Variants in DPYD observed in about 807,000 individuals in gnomAD.
DPYD encodes the protein dihydropyrimidine dehydrogenase.
DPYD carries 109 observed loss-of-function variants against 116.2 expected under a neutral mutation model. That is an observed-to-expected ratio of 0.94 (90% CI 0.80 to 1.10). DPYD has a LOEUF of 1.10. Among genes scored for constraint, DPYD ranks in the 50% least tolerant of loss-of-function variants. The pLI, the probability that DPYD is intolerant of heterozygous loss-of-function variation, is 0.00. For synonymous variants in DPYD, 440 were observed against 432.0 expected, an observed-to-expected ratio of 1.02 and a Z score of -0.23; for missense variants, 1,302 against 1,254.5, an observed-to-expected ratio of 1.04 and a Z score of -0.57.
chr1:97,777,215 T>A (rs1433855905), intron 3 of DPYD, among the ~76,000 whole-genome samples: 4 of 152,194 alleles, frequency 2.6e-5, no homozygotes, highest in African/African-American at 9.6e-5. Context: ...TTAAAACTTT[T>A]AAAAAATTAA....
intron 20 of DPYD, among the ~76,000 whole-genome samples, chr1:97,164,777 G>T (rs1307376151): frequency 3.3e-5 from 5 of 151,906 alleles, no homozygotes; most frequent in Admixed American, 6.6e-5. Context: ...AATCAGAGAT[G>T]ACACAAACAA....
intron 18 of DPYD, among the ~76,000 whole-genome samples, chr1:97,276,383 G>C (rs188329929): frequency 6.6e-6 from 1 of 152,004 alleles, no homozygotes; most frequent in Non-Finnish European, 1.5e-5. Flanking sequence ...CAGAATGGGA[G>C]GAAATATTTG....
chr1:97,359,125 G>T (rs191374440), intron 16 of DPYD, among the ~76,000 whole-genome samples: 110 of 152,194 alleles, frequency 7.2e-4, no homozygotes, highest in Non-Finnish European at 1.5e-3. Flanking sequence ...TAAATGACCT[G>T]ATGGAGTTGA....
intron 19 of DPYD, among the ~76,000 whole-genome samples, chr1:97,211,272 A>T (rs191518451): frequency 2.1e-4 from 32 of 152,228 alleles, no homozygotes; most frequent in Non-Finnish European, 2.9e-4. Context: ...GAATCTTCTC[A>T]TTCAGTTCTC....
At chr1:97,083,769 A>G (rs1019361394) in intron 21 of DPYD, among the ~76,000 whole-genome samples, 1 of 152,076 alleles carries the variant, frequency 6.6e-6, no homozygotes, top group African/African-American at 2.4e-5. Context: ...CATCAACAAC[A>G]CGAACTGGGT....
chr1:97,606,570 G>A (rs956400347), intron 8 of DPYD, among the ~76,000 whole-genome samples: 7 of 152,052 alleles, frequency 4.6e-5, no homozygotes, highest in Admixed American at 2.0e-4. Flanking sequence ...GTATGATGAG[G>A]GGAGTAGATA....
At chr1:97,774,129 C>G (rs1213228301) in intron 3 of DPYD, among the ~76,000 whole-genome samples, 5 of 152,294 alleles carry the variant, frequency 3.3e-5, no homozygotes, top group African/African-American at 7.2e-5. Flanking sequence ...AGCTTTGGGA[C>G]AATGAAGAAG....
At chr1:97,913,537 G>A (rs1302514015) in intron 1 of DPYD, among the ~76,000 whole-genome samples, 2 of 152,116 alleles carry the variant, frequency 1.3e-5, no homozygotes, top group Admixed American at 6.6e-5. Context: ...GGCTTATCCT[G>A]TATCTTGGGA....
chr1:97,316,477 G>A (rs1263992730), intron 16 of DPYD, among the ~76,000 whole-genome samples: 8 of 147,238 alleles, frequency 5.4e-5, no homozygotes, highest in Non-Finnish European at 1.2e-4. Context: ...TTGCGTCACT[G>A]CATTCCAGCC....
At chr1:97,377,074 T>C in intron 15 of DPYD, among the ~76,000 whole-genome samples, 1 of 151,468 alleles carries the variant, frequency 6.6e-6, no homozygotes, top group African/African-American at 2.4e-5. Context: ...TATTAAAAAT[T>C]AAAAATAAAA....
At chr1:97,635,449 C>T (rs564996636) in intron 8 of DPYD, among the ~76,000 whole-genome samples, 2 of 152,092 alleles carry the variant, frequency 1.3e-5, no homozygotes, top group Non-Finnish European at 2.9e-5. Flanking sequence ...TCAGTGGCTC[C>T]GCCATGGGAT....
At chr1:97,196,290 AT>A (rs955290521) in intron 19 of DPYD, among the ~76,000 whole-genome samples, 1 of 151,556 alleles carries the variant, frequency 6.6e-6, no homozygotes. Context: ...TTATTTATTT[AT>A]TTTTTTATTT....
intron 8 of DPYD, among the ~76,000 whole-genome samples, chr1:97,638,745 A>G (rs1474160377): frequency 1.3e-5 from 2 of 152,162 alleles, no homozygotes; most frequent in Admixed American, 6.6e-5. Context: ...GGTGAGAGAG[A>G]GAGCAAGAGA....
intron 13 of DPYD, among the ~76,000 whole-genome samples, chr1:97,457,635 T>C (rs769621712): frequency 6.6e-6 from 1 of 152,156 alleles, no homozygotes; most frequent in Non-Finnish European, 1.5e-5. Flanking sequence ...ACCAACTCAC[T>C]AGGCTTCAGA....
chr1:97,750,172 G>C (rs1270302677), intron 3 of DPYD, among the ~76,000 whole-genome samples: 2 of 151,844 alleles, frequency 1.3e-5, no homozygotes, highest in Non-Finnish European at 2.9e-5. Flanking sequence ...AACAGAGAAA[G>C]CTCTATATTT....
At chr1:97,208,102 T>A (rs1322436299) in intron 19 of DPYD, among the ~76,000 whole-genome samples, 2 of 152,108 alleles carry the variant, frequency 1.3e-5, no homozygotes, top group Non-Finnish European at 2.9e-5. Flanking sequence ...GTTTAATAGA[T>A]TATTCTGAAT....
chr1:97,865,589 C>T (rs1671335368), intron 2 of DPYD, among the ~76,000 whole-genome samples: 1 of 151,990 alleles, frequency 6.6e-6, no homozygotes, highest in South Asian at 2.1e-4. Context: ...AATATATAGG[C>T]AGTAAATTTT....
chr1:97,904,762 A>G (rs140684121), intron 1 of DPYD, among the ~76,000 whole-genome samples: 77 of 152,132 alleles, frequency 5.1e-4, no homozygotes, highest in African/African-American at 1.7e-3. Flanking sequence ...CTTGTGAAAT[A>G]TATATGTTAA....
intron 13 of DPYD, among the ~76,000 whole-genome samples, chr1:97,494,986 C>T (rs1199273416): frequency 5.9e-5 from 9 of 152,138 alleles, no homozygotes; most frequent in Non-Finnish European, 8.8e-5. Context: ...GGCAGTTTTA[C>T]CTTGAGTAAT....
Sources: allele counts gnomAD v4.1 joint callset (sites outside exome capture counted in the v4.1 genomes callset), GRCh38; gene constraint gnomAD v4.1.1; transcripts MANE v1.5; gene names NCBI Gene and HGNC (gene_info 2026-07-23, HGNC 2026-07-21).